KCNQ3: variants seen among roughly 807,000 people sequenced by gnomAD.
KCNQ3 encodes the protein potassium voltage-gated channel subfamily Q member 3, also known as potassium voltage-gated channel subfamily KQT member 3.
KCNQ3 carries 30 observed loss-of-function variants against 92.5 expected under a neutral mutation model. That is an observed-to-expected ratio of 0.32 (90% CI 0.24 to 0.44). The LOEUF is 0.44. KCNQ3 is among the 20% of genes least tolerant of loss of function. The pLI, the probability that KCNQ3 is intolerant of heterozygous loss-of-function variation, is 1.00. For synonymous variants in KCNQ3, 450 were observed against 468.8 expected, an observed-to-expected ratio of 0.96 and a Z score of 0.52; for missense variants, 913 against 1,140.3, an observed-to-expected ratio of 0.80 and a Z score of 2.87.
chr8:132,424,907 T>A (rs1821070295), intron 1 of KCNQ3, among the ~76,000 whole-genome samples: 1 of 152,228 alleles, frequency 6.6e-6, no homozygotes, highest in African/African-American at 2.4e-5. Context: ...TCCAAGATGA[T>A]CTTATCTTCC....
intron 9 of KCNQ3, among the ~76,000 whole-genome samples, chr8:132,155,227 C>T (rs891303584): frequency 6.6e-6 from 1 of 152,146 alleles, no homozygotes; most frequent in African/African-American, 2.4e-5. Flanking sequence ...AGTTACAATT[C>T]CCTGAGAATC....
intron 1 of KCNQ3, among the ~76,000 whole-genome samples, chr8:132,194,308 G>A (rs1827245679): frequency 6.6e-6 from 1 of 152,174 alleles, no homozygotes; most frequent in Non-Finnish European, 1.5e-5. Flanking sequence ...ACCTTAAAAG[G>A]CAGTGACAGA....
In KCNQ3 at chr8:132,164,341, G is replaced by GTT. The variant is rs72007031; in HGVS notation, c.1236-849_1236-848dup. Among the ~76,000 whole-genome samples, 5 of 144,950 alleles carry GTT rather than the reference G, an allele frequency of 3.4e-5. No individual in the cohort carries two copies. In the South Asian group the frequency reaches 1.1e-3, roughly 31 times the overall value. Reference sequence around the variant, plus strand: ...TTGTAGTAGAATTACATGTAGTCTCGTTTTTTTTTTTTCTTGTCTAAAATA... The same window carrying GTT: ...TTGTAGTAGAATTACATGTAGTCTCGTTTTTTTTTTTTTTCTTGTCTAAAATA... On this transcript the variant is annotated intron_variant, in intron 8 of 14. Coordinates refer to ENST00000388996, the MANE Select transcript of KCNQ3 (RefSeq NM_004519.4).
At chr8:132,295,884 G>A (rs1275403310) in intron 1 of KCNQ3, among the ~76,000 whole-genome samples, 4 of 152,120 alleles carry the variant, frequency 2.6e-5, no homozygotes, top group Admixed American at 2.6e-4. Flanking sequence ...GGCCTGTTGT[G>A]GGGGTGGGAA....
At chr8:132,218,217 A>G (rs1457622687) in intron 1 of KCNQ3, among the ~76,000 whole-genome samples, 1 of 152,198 alleles carries the variant, frequency 6.6e-6, no homozygotes, top group African/African-American at 2.4e-5. Flanking sequence ...CATAAAGTAG[A>G]AAAATAATAC....
intron 1 of KCNQ3, among the ~76,000 whole-genome samples, chr8:132,290,307 G>A (rs1285951111): frequency 6.6e-6 from 1 of 152,172 alleles, no homozygotes; most frequent in East Asian, 1.9e-4. Flanking sequence ...GGTAGGGGAT[G>A]AGACAAGAGA....
chr8:132,424,872 C>T (rs1206537384), intron 1 of KCNQ3, among the ~76,000 whole-genome samples: 1 of 152,232 alleles, frequency 6.6e-6, no homozygotes, highest in African/African-American at 2.4e-5. Context: ...GACACTGTCA[C>T]TGTATTTAGA....
chr8:132,459,195 T>A (rs907363579), intron 1 of KCNQ3, among the ~76,000 whole-genome samples: 2 of 152,224 alleles, frequency 1.3e-5, no homozygotes, highest in African/African-American at 4.8e-5. Flanking sequence ...GCCATTTTCA[T>A]CACATCATGT....
At chr8:132,304,884 A>G (rs909106391) in intron 1 of KCNQ3, among the ~76,000 whole-genome samples, 3 of 152,204 alleles carry the variant, frequency 2.0e-5, no homozygotes, top group African/African-American at 7.2e-5. Flanking sequence ...TGAAGGAAAG[A>G]AGGAGACACA....
chr8:132,137,854 A>C lies in KCNQ3; in HGVS notation c.1700+31T>G, dbSNP rs759402749. ...CTAAGGTTCATAGGGCTTTGAGGGG[A>C]GCGCAGTCCCTCCAGATGTGACTGT... On this transcript the variant is annotated intron_variant, in intron 12 of 14. Transcript: ENST00000388996. The C allele has an allele frequency of 1.9e-6, 3 of 1,612,952 alleles. No homozygotes were observed. In the South Asian group the frequency reaches 3.3e-5, roughly 18 times the overall value.
chr8:132,356,552 A>G (rs1819023304), intron 1 of KCNQ3, among the ~76,000 whole-genome samples: 1 of 152,140 alleles, frequency 6.6e-6, no homozygotes, highest in Admixed American at 6.5e-5. Flanking sequence ...CACACACTCT[A>G]GTCTTGGAAA....
At chr8:132,478,394 C>T (rs916328939) in intron 1 of KCNQ3, among the ~76,000 whole-genome samples, 1 of 152,144 alleles carries the variant, frequency 6.6e-6, no homozygotes, top group Admixed American at 6.5e-5. Context: ...ACGCGATGTG[C>T]ATGTGAAAGG....
chr8:132,221,097 C>G (rs1292674004), intron 1 of KCNQ3, among the ~76,000 whole-genome samples: 2 of 152,102 alleles, frequency 1.3e-5, no homozygotes, highest in African/African-American at 4.8e-5. Flanking sequence ...ATAGTTTGCT[C>G]AGAATGATGG....
chr8:132,422,691 C>T (rs1000642074), intron 1 of KCNQ3, among the ~76,000 whole-genome samples: 3 of 152,314 alleles, frequency 2.0e-5, no homozygotes, highest in East Asian at 3.9e-4. Context: ...CCTCCTCCCA[C>T]GACTCTCCAT....
chr8:132,472,398 T>C (rs566839474), intron 1 of KCNQ3, among the ~76,000 whole-genome samples: 4 of 152,250 alleles, frequency 2.6e-5, no homozygotes, highest in South Asian at 4.1e-4. Context: ...GAAAATATGG[T>C]ATATGTACAC....
intron 9 of KCNQ3, among the ~76,000 whole-genome samples, chr8:132,161,585 CTG>C (rs1825990818): frequency 1.3e-5 from 2 of 151,644 alleles, no homozygotes; most frequent in South Asian, 2.1e-4. Context: ...TGAGCCGAGA[CTG>C]TGCCACTGCA....
intron 1 of KCNQ3, among the ~76,000 whole-genome samples, chr8:132,342,695 C>T (rs561170472): frequency 6.6e-6 from 1 of 152,330 alleles, no homozygotes; most frequent in African/African-American, 2.4e-5. Flanking sequence ...CCTAGTCATG[C>T]CTTTCATTTG....
intron 1 of KCNQ3, among the ~76,000 whole-genome samples, chr8:132,374,197 G>T (rs1048185175): frequency 6.6e-6 from 1 of 152,132 alleles, no homozygotes; most frequent in Non-Finnish European, 1.5e-5. Flanking sequence ...TGTTGTCAGG[G>T]AAGCCACTTG....
rs1325407962 is a variant in KCNQ3 at position 132,127,872 on chromosome 8, G to T, written c.*1390C>A. On this transcript the variant is annotated 3_prime_UTR_variant, in exon 15 of 15. Transcript: ENST00000388996. ...AGGCTGTCTGCTTACATTTTAGCTT[G>T]TCTTACGGTTACATATGGTTTTAGT... 6.6e-6 allele frequency: 1 copy of T among 152,134 alleles called. No homozygotes were observed. Among genetic ancestry groups the T allele is most frequent in the Non-Finnish European group, 1.5e-5 (1 of 68,024 alleles). 9.4% of individuals were successfully genotyped at this position (152,134 alleles called of 1,614,324 possible).
Sources: allele counts gnomAD v4.1 joint callset (sites outside exome capture counted in the v4.1 genomes callset), GRCh38; gene constraint gnomAD v4.1.1; transcripts MANE v1.5; gene names NCBI Gene and HGNC (gene_info 2026-07-23, HGNC 2026-07-21).